The following DDX60L variants were observed in gnomAD, a reference collection of about 807,000 sequenced individuals.
DDX60L encodes the protein DExD/H-box 60 like.
DDX60L carries 191 observed loss-of-function variants against 211.6 expected under a neutral mutation model. The observed-to-expected ratio is 0.90, with a 90% CI of 0.80 to 1.02. The LOEUF is 1.02. Ranked by LOEUF, DDX60L falls within the 50% of genes least tolerant of loss-of-function variation. DDX60L has a pLI of 0.00. For missense variants in DDX60L, 2,007 were observed against 1,984.1 expected, an observed-to-expected ratio of 1.01 and a Z score of -0.22; for synonymous variants, 706 against 694.1, an observed-to-expected ratio of 1.02 and a Z score of -0.27.
At position 168,421,836 on chromosome 4, in the gene DDX60L, TA is replaced by T; in HGVS notation, c.2317del (p.Tyr773MetfsTer11). On this transcript the variant is annotated frameshift_variant, in exon 17 of 38. Coordinates refer to ENST00000682922, the MANE Select transcript of DDX60L (RefSeq NM_001012967.3). LOFTEE classifies it high-confidence loss of function. ...TTTCTCCATGCAGTAGTAGGAAGCA[TA>T]GGTTTTGCCTGAGGACGTTGGGGCA... ...IVAPTSSGKTYASYYCMEKVL... is the reference protein window; with the variant it reads ...IVAPTSSGKTXASYYCMEKVL... 6.2e-7 allele frequency: 1 copy of T among 1,614,196 alleles called. No individual in the cohort carries two copies. Among genetic ancestry groups the T allele is most frequent in the Non-Finnish European group, 8.5e-7 (1 of 1,180,040 alleles).
intron 10 of DDX60L, among the ~76,000 whole-genome samples, chr4:168,434,527 C>A (rs1311212391): frequency 2.0e-5 from 3 of 152,180 alleles, no homozygotes; most frequent in African/African-American, 7.2e-5. Context: ...GAACTGCTAC[C>A]AGCAAATTTG....
intron 32 of DDX60L, 86 bp downstream of exon 32, chr4:168,379,277 G>T: frequency 8.5e-7 from 1 of 1,183,148 alleles, no homozygotes; most frequent in Non-Finnish European, 1.2e-6. Flanking sequence ...TGAGAAGGAG[G>T]AAGAAGAGAA....
At chr4:168,371,889 C>G in intron 35 of DDX60L, 126 bp from the exon 36 acceptor site, 1 of 885,318 alleles carries the variant, frequency 1.1e-6, no homozygotes, top group South Asian at 2.2e-5. Flanking sequence ...GTGAAGGAGG[C>G]AGGCAGAGGG....
intron 29 of DDX60L, among the ~76,000 whole-genome samples, chr4:168,386,758 T>C (rs1018054575): frequency 6.6e-6 from 1 of 151,876 alleles, no homozygotes; most frequent in Admixed American, 6.6e-5. Context: ...TTCCTGAAGA[T>C]TACGTGGTAG....
At chr4:168,461,318 G>T (rs1757290232) in intron 5 of DDX60L, among the ~76,000 whole-genome samples, 2 of 152,160 alleles carry the variant, frequency 1.3e-5, no homozygotes, top group African/African-American at 2.4e-5. Context: ...GGGGCTCTGT[G>T]ACAGCAACTG....
At chr4:168,411,708 G>A (rs1191131748) in intron 22 of DDX60L, among the ~76,000 whole-genome samples, 2 of 152,058 alleles carry the variant, frequency 1.3e-5, no homozygotes, top group Non-Finnish European at 2.9e-5. Context: ...TGCTGTGCTG[G>A]GCTCAGAGCC....
At chr4:168,372,537 G>C (rs1741204972) in intron 35 of DDX60L, among the ~76,000 whole-genome samples, 2 of 82,394 alleles carry the variant, frequency 2.4e-5, no homozygotes. Flanking sequence ...ATCAGACTGG[G>C]CAATATGCTG....
Position 168,357,761 on chromosome 4 carries a change from A to C in DDX60L, c.*386T>G. On this transcript the variant is annotated 3_prime_UTR_variant, in exon 38 of 38. Transcript: ENST00000682922. The stretch of plus-strand genomic sequence containing the variant: ...GGTCCTTTGTGATTTATTGATCATT[A>C]ATTTAAAATTCAATTAACTTGGGGA... 1 of 159,652 alleles carries C rather than the reference A, an allele frequency of 6.3e-6. No individual in the cohort carries two copies. Among genetic ancestry groups the C allele is most frequent in the Non-Finnish European group, 1.4e-5 (1 of 73,050 alleles). 9.9% of individuals were successfully genotyped at this position (159,652 alleles called of 1,614,324 possible).
chr4:168,420,222 T>C, intron 18 of DDX60L, 39 bp downstream of exon 18: 1 of 1,473,690 alleles, frequency 6.8e-7, no homozygotes, highest in Non-Finnish European at 9.1e-7. Context: ...AGTACTGCTC[T>C]ATAATTTGAT....
chr4:168,384,138 C>T (rs1743440029), intron 30 of DDX60L, among the ~76,000 whole-genome samples: 1 of 152,190 alleles, frequency 6.6e-6, no homozygotes, highest in Admixed American at 6.5e-5. Context: ...TGCTCCTCAG[C>T]TTGCAGATGG....
chr4:168,379,130 A>C (rs551457072), intron 32 of DDX60L, among the ~76,000 whole-genome samples: 29 of 152,334 alleles, frequency 1.9e-4, no homozygotes, highest in African/African-American at 7.0e-4. Context: ...TTCTGCAAAT[A>C]TTCTTTATCA....
In DDX60L at chr4:168,472,453, AC is replaced by A; in HGVS notation, c.74+1del. 6.4e-7 allele frequency: 1 copy of A among 1,557,816 alleles called. No homozygotes were observed. The highest frequency in any genetic ancestry group is 8.7e-7 in the Non-Finnish European group (1 of 1,148,970). On this transcript the variant is annotated splice_donor_variant, in intron 3 of 37. Coordinates refer to ENST00000682922, the MANE Select transcript of DDX60L (RefSeq NM_001012967.3). LOFTEE classifies it high-confidence loss of function. ...CCTTCTTTTTTACTTCACAGTACTTACCCAGCTTTTGGCATTTCATTCAAAA... is the reference window on the plus strand; with the variant it reads ...CCTTCTTTTTTACTTCACAGTACTTACCAGCTTTTGGCATTTCATTCAAAA...
Position 168,472,872 on chromosome 4 carries a change from T to A in DDX60L, c.-110-63A>T, listed in dbSNP as rs998145764. On this transcript the variant is annotated intron_variant, in intron 1 of 37. Coordinates refer to ENST00000682922, the MANE Select transcript of DDX60L (RefSeq NM_001012967.3). ...AAAACAAAGAAATGGACCCAAAAAA[T>A]ATGGTTACATTTTCCACAGAGCAAG... The A allele has an allele frequency of 4.6e-6, 3 of 649,566 alleles. No homozygotes were observed. In the African/African-American group the frequency reaches 5.5e-5, roughly 12 times the overall value. 40.2% of individuals were successfully genotyped at this position (649,566 alleles called of 1,614,324 possible).
At chr4:168,394,930 AC>A (rs1237885820) in intron 27 of DDX60L, among the ~76,000 whole-genome samples, 3 of 152,180 alleles carry the variant, frequency 2.0e-5, no homozygotes, top group African/African-American at 7.2e-5. Context: ...CTCTACTGGA[AC>A]CTTAGGAGTC....
intron 10 of DDX60L, among the ~76,000 whole-genome samples, chr4:168,436,317 A>G (rs1753027421): frequency 6.6e-6 from 1 of 152,204 alleles, no homozygotes; most frequent in African/African-American, 2.4e-5. Context: ...CCTGCATGCA[A>G]TGCTTCTGCC....
intron 4 of DDX60L, among the ~76,000 whole-genome samples, chr4:168,464,632 T>A (rs1341119857): frequency 6.6e-6 from 1 of 152,072 alleles, no homozygotes; most frequent in African/African-American, 2.4e-5. Flanking sequence ...ATGTATACAA[T>A]GCATAATGAT....
chr4:168,379,678 T>A, intron 31 of DDX60L, 48 bp downstream of exon 31: 1 of 1,458,550 alleles, frequency 6.9e-7, no homozygotes, highest in African/African-American at 1.4e-5. Context: ...AGAAAGAAGT[T>A]TACACGGTAC....
intron 36 of DDX60L, among the ~76,000 whole-genome samples, chr4:168,362,180 G>A (rs572118456): frequency 3.3e-5 from 5 of 152,198 alleles, no homozygotes; most frequent in Non-Finnish European, 5.9e-5. Context: ...AAAAGACTGC[G>A]GCATGCCAGT....
intron 9 of DDX60L, among the ~76,000 whole-genome samples, chr4:168,445,327 A>G (rs996568860): frequency 2.0e-4 from 25 of 125,126 alleles, no homozygotes; most frequent in African/African-American, 6.4e-4. Context: ...AGACTAAACC[A>G]GGAAGAAGTT....
Sources: gnomAD v4.1 joint callset for allele counts (sites outside exome capture counted in the v4.1 genomes callset) on GRCh38, gnomAD v4.1.1 for gene constraint, MANE v1.5 for transcripts, NCBI Gene and HGNC (gene_info 2026-07-23, HGNC 2026-07-21) for gene names.